HACE1: variants seen among roughly 807,000 people sequenced by gnomAD.
The protein encoded by HACE1 is E3 ubiquitin-protein ligase HACE1.
HACE1 carries 73 observed loss-of-function variants against 118.4 expected under a neutral mutation model. The observed-to-expected ratio is 0.62, with a 90% confidence interval of 0.51 to 0.75. The LOEUF (loss-of-function observed/expected upper bound fraction) is 0.75, where lower values mean the gene tolerates loss of function less well. Among genes scored for constraint, HACE1 ranks in the 30% least tolerant of loss-of-function variants. The probability of loss-of-function intolerance (pLI) is 0.00; values close to 1 mark genes in which losing one functional copy is unlikely to be tolerated. For synonymous variants in HACE1, 368 were observed against 374.8 expected (o/e 0.98, Z 0.21); for missense variants, 749 against 1,102.2 (o/e 0.68, Z 4.54).
At chr6:104,763,012 G>C (rs1030110501) in intron 19 of HACE1, among the ~76,000 whole-genome samples, 4 of 107,368 alleles carry the variant, frequency 3.7e-5, no homozygotes, top group Non-Finnish European at 4.0e-5. Flanking sequence ...AAAAAAAAAA[G>C]AATCAGTCAA....
At chr6:104,820,561 T>C (rs1209071287) in intron 6 of HACE1, among the ~76,000 whole-genome samples, 4 of 152,104 alleles carry the variant, frequency 2.6e-5, no homozygotes, top group African/African-American at 4.8e-5. Flanking sequence ...AGAAGACATA[T>C]AGGTGGCCAA....
intron 6 of HACE1, among the ~76,000 whole-genome samples, chr6:104,825,730 T>G (rs1773260811): frequency 6.6e-6 from 1 of 152,220 alleles, no homozygotes; most frequent in Admixed American, 6.5e-5. Flanking sequence ...ATCCAGAACC[T>G]TGAGCAGCTG....
At position 104,811,412 on chromosome 6, in the gene HACE1, T is replaced by C; in HGVS notation, c.535-19A>G. 2 of 1,206,230 alleles carry C rather than the reference T, an allele frequency of 1.7e-6. No homozygotes were observed. The highest frequency in any genetic ancestry group is 2.5e-6 in the Non-Finnish European group (2 of 809,410). The allele number at this position is 1,206,230 out of a possible 1,614,324, so 74.7% of individuals were successfully genotyped here. ...GCACTGTCTGAGGGGGAAAAAATAA[T>C]TAAAAGTAAAGCCAGAGGAATCAAA... On this transcript the variant is annotated intron_variant, in intron 6 of 23. Transcript: ENST00000262903.
rs1376623269 is a variant in HACE1, at chr6:104,791,615, T to C, written c.963A>G (p.Leu321=). 1 of 1,611,368 alleles carries C rather than the reference T, an allele frequency of 6.2e-7. No homozygotes were observed. The highest frequency in any genetic ancestry group is 1.1e-5 in the South Asian group (1 of 91,008). ...SNYDAQMKSL[L]RIVRMFCHVF... is the part of the protein sequence containing the mutation. The stretch of plus-strand genomic sequence containing the variant: ...CGTGACAAAACATTCTCACAATCCT[T>C]AAAAGGCTCTTCATTTGAGCATCAT... The change falls in exon 11 of 24, where the codon TTA becomes TTG. Residue 321 remains leucine, a synonymous_variant. Transcript: ENST00000262903.
chr6:104,857,726 G>C lies in HACE1; in HGVS notation c.76+1841C>G, dbSNP rs568338229. ...ATCCCCCAGCACTTTGGGAGGCCGA[G>C]GCGGGCAGATCACGAGGTCAGGCGA... is the stretch of plus-strand genomic sequence containing the variant. On this transcript the variant is annotated intron_variant, in intron 1 of 23. Transcript: ENST00000262903. Among the ~76,000 whole-genome samples the C allele has an allele frequency of 3.3e-5, 5 of 151,788 alleles. No individual in the cohort carries two copies. In the South Asian group the frequency reaches 6.2e-4, roughly 19 times the overall value.
chr6:104,756,579 A>G (rs1391684061), intron 19 of HACE1, among the ~76,000 whole-genome samples: 1 of 152,032 alleles, frequency 6.6e-6, no homozygotes, highest in Non-Finnish European at 1.5e-5. Flanking sequence ...AGTCGTTTCC[A>G]AGATGGCCGA....
chr6:104,757,039 C>T (rs182674465), intron 19 of HACE1, among the ~76,000 whole-genome samples: 2 of 152,244 alleles, frequency 1.3e-5, no homozygotes, highest in East Asian at 3.9e-4. Flanking sequence ...TCTCTGCTCA[C>T]AGTATAAACA....
chr6:104,835,582 G>C (rs911616649), intron 5 of HACE1, among the ~76,000 whole-genome samples: 1 of 152,012 alleles, frequency 6.6e-6, no homozygotes, highest in Admixed American at 6.6e-5. Flanking sequence ...AAGGGCTAGT[G>C]TGAATAGGTC....
In HACE1 at chr6:104,728,302, T is replaced by G. The variant is rs573351706; in HGVS notation, c.*1360A>C. ...AATTAAATTTCAAAAAATCAAAACA[T>G]AAAACATTATTAGCTTCAGTTACTA... On this transcript the variant is annotated 3_prime_UTR_variant, in exon 24 of 24. Transcript: ENST00000262903. 3.9e-5 allele frequency: 6 copies of G among 152,264 alleles called. No individual in the cohort carries two copies. In the East Asian group the frequency reaches 1.2e-3, roughly 29 times the overall value. 9.4% of individuals were successfully genotyped at this position (152,264 alleles called of 1,614,324 possible).
intron 6 of HACE1, among the ~76,000 whole-genome samples, chr6:104,821,549 T>G (rs1335047234): frequency 1.3e-5 from 2 of 152,204 alleles, no homozygotes; most frequent in African/African-American, 4.8e-5. Flanking sequence ...AACACTAATA[T>G]GTACCCAGAC....
intron 5 of HACE1, among the ~76,000 whole-genome samples, chr6:104,839,697 C>T (rs893175380): frequency 1.3e-5 from 2 of 152,060 alleles, no homozygotes; most frequent in Non-Finnish European, 2.9e-5. Flanking sequence ...TAAACATACA[C>T]ACACACATAC....
At chr6:104,801,739 C>T (rs1770380596) in intron 7 of HACE1, among the ~76,000 whole-genome samples, 1 of 152,050 alleles carries the variant, frequency 6.6e-6, no homozygotes, top group Non-Finnish European at 1.5e-5. Flanking sequence ...TGGAAAGGTA[C>T]CAGCCATGGC....
At chr6:104,781,095 G>C (rs976946729) in intron 14 of HACE1, among the ~76,000 whole-genome samples, 2 of 152,134 alleles carry the variant, frequency 1.3e-5, no homozygotes, top group Non-Finnish European at 2.9e-5. Flanking sequence ...CTTCTCTACT[G>C]TAAGGCACCC....
chr6:104,851,060 G>A lies in HACE1; in HGVS notation c.132-64C>T. The A allele has an allele frequency of 4.5e-6, 4 of 892,596 alleles. No individual in the cohort carries two copies. In the Admixed American group the frequency reaches 5.1e-5, roughly 11 times the overall value. 55.3% of individuals were successfully genotyped at this position (892,596 alleles called of 1,614,324 possible). On this transcript the variant is annotated intron_variant, in intron 2 of 23. Transcript: ENST00000262903. ...AGTTTTTAAAAACATAATAAATCAA[G>A]TTAACAACTCTTTAGCTGCTCTGTT...
intron 10 of HACE1, among the ~76,000 whole-genome samples, chr6:104,795,271 G>A (rs781016225): frequency 6.6e-6 from 1 of 152,134 alleles, no homozygotes; most frequent in Non-Finnish European, 1.5e-5. Flanking sequence ...CAAGATTCCT[G>A]AACTTTCTCA....
chr6:104,749,203 G>C (rs535076513), intron 20 of HACE1, among the ~76,000 whole-genome samples: 1 of 152,128 alleles, frequency 6.6e-6, no homozygotes, highest in Non-Finnish European at 1.5e-5. Flanking sequence ...CACAGTACAG[G>C]AAAAGCCATA....
intron 1 of HACE1, 178 bp downstream of exon 1, chr6:104,859,389 G>GAC (rs1275644120): frequency 1.1e-5 from 6 of 544,138 alleles, no homozygotes; most frequent in Non-Finnish European, 1.6e-5. Flanking sequence ...CTGCCGGGGT[G>GAC]GGAGCGTCGG....
chr6:104,743,278 A>T (rs1777019685), intron 22 of HACE1, among the ~76,000 whole-genome samples: 1 of 151,664 alleles, frequency 6.6e-6, no homozygotes. Context: ...TAACCTGCAC[A>T]ATGTGCACAT....
intron 17 of HACE1, among the ~76,000 whole-genome samples, chr6:104,772,281 T>C (rs1191431833): frequency 6.6e-6 from 1 of 152,200 alleles, no homozygotes; most frequent in African/African-American, 2.4e-5. Context: ...TATTCATACA[T>C]ATTTGTCACA....
Sources: gnomAD v4.1 joint callset for allele counts (sites outside exome capture counted in the v4.1 genomes callset) on GRCh38, gnomAD v4.1.1 for gene constraint, MANE v1.5 for transcripts, NCBI Gene and HGNC (gene_info 2026-07-23, HGNC 2026-07-21) for gene names.